Variants in KCND3 observed in about 807,000 individuals in gnomAD.
KCND3 encodes the protein potassium voltage-gated channel subfamily D member 3, also known as A-type voltage-gated potassium channel KCND3.
KCND3 carries 9 observed loss-of-function variants against 51.1 expected under a neutral mutation model. The observed-to-expected ratio is 0.18, with a 90% CI of 0.11 to 0.31. The LOEUF (loss-of-function observed/expected upper bound fraction) is 0.31. KCND3 is among the 10% of genes least tolerant of loss of function. The probability of loss-of-function intolerance (pLI) is 1.00; values close to 1 mark genes in which losing one functional copy is unlikely to be tolerated. For synonymous variants in KCND3, 349 were observed against 368.0 expected, an observed-to-expected ratio of 0.95 and a Z score of 0.59; for missense variants, 526 against 903.8, an observed-to-expected ratio of 0.58 and a Z score of 5.36.
intron 2 of KCND3, among the ~76,000 whole-genome samples, chr1:111,817,880 G>A (rs1666167950): frequency 6.6e-6 from 1 of 152,192 alleles, no homozygotes; most frequent in Non-Finnish European, 1.5e-5. Context: ...ATAGTGAAGA[G>A]CATGCTCATA....
intron 2 of KCND3, among the ~76,000 whole-genome samples, chr1:111,958,709 C>G (rs1242019446): frequency 6.6e-6 from 1 of 152,198 alleles, no homozygotes; most frequent in Non-Finnish European, 1.5e-5. Flanking sequence ...TGGCAGGCCC[C>G]CTCTGTCTGG....
intron 2 of KCND3, among the ~76,000 whole-genome samples, chr1:111,931,209 A>G (rs1671955095): frequency 6.6e-6 from 1 of 152,252 alleles, no homozygotes; most frequent in Non-Finnish European, 1.5e-5. Context: ...GCTATCTACA[A>G]GAGGTAGGTG....
chr1:111,951,271 G>A (rs1032769557), intron 2 of KCND3, among the ~76,000 whole-genome samples: 8 of 150,902 alleles, frequency 5.3e-5, no homozygotes, highest in Admixed American at 6.6e-5. Flanking sequence ...TCTAATCACT[G>A]CTGGTAAGTG....
intron 2 of KCND3, among the ~76,000 whole-genome samples, chr1:111,978,128 C>A (rs1674745938): frequency 6.6e-6 from 1 of 152,192 alleles, no homozygotes; most frequent in Non-Finnish European, 1.5e-5. Flanking sequence ...GAGATATTAA[C>A]TAAACGGTAA....
chr1:111,870,582 G>T (rs1233020788), intron 2 of KCND3, among the ~76,000 whole-genome samples: 2 of 152,156 alleles, frequency 1.3e-5, no homozygotes, highest in African/African-American at 4.8e-5. Flanking sequence ...TATCAGCTAG[G>T]GTGCCTTGTT....
intron 2 of KCND3, among the ~76,000 whole-genome samples, chr1:111,823,378 C>G (rs1346730804): frequency 6.6e-6 from 1 of 152,158 alleles, no homozygotes; most frequent in African/African-American, 2.4e-5. Flanking sequence ...CTCCATGGAA[C>G]CTACTCTGGT....
At chr1:111,900,783 C>T (rs867249338) in intron 2 of KCND3, among the ~76,000 whole-genome samples, 2 of 152,050 alleles carry the variant, frequency 1.3e-5, no homozygotes, top group African/African-American at 4.8e-5. Context: ...ATGGTGAAAC[C>T]CCGTCTCTAC....
At chr1:111,842,166 T>C (rs754577664) in intron 2 of KCND3, among the ~76,000 whole-genome samples, 1 of 152,086 alleles carries the variant, frequency 6.6e-6, no homozygotes, top group Non-Finnish European at 1.5e-5. Context: ...CTGCTCTTGA[T>C]AAACACGGCA....
At chr1:111,878,126 C>T (rs1489295821) in intron 2 of KCND3, among the ~76,000 whole-genome samples, 1 of 152,198 alleles carries the variant, frequency 6.6e-6, no homozygotes, top group Non-Finnish European at 1.5e-5. Flanking sequence ...CATCAGAGCC[C>T]TAGTGCTGTC....
intron 2 of KCND3, among the ~76,000 whole-genome samples, chr1:111,924,030 G>A (rs1310547909): frequency 6.6e-6 from 1 of 152,210 alleles, no homozygotes; most frequent in Non-Finnish European, 1.5e-5. Flanking sequence ...AGGACCACCA[G>A]CACAACCCTA....
chr1:111,778,912 C>T (rs1664252742), intron 5 of KCND3, among the ~76,000 whole-genome samples: 1 of 152,210 alleles, frequency 6.6e-6, no homozygotes, highest in Admixed American at 6.5e-5. Context: ...TGCCAACATT[C>T]CAGCCCTTCA....
At chr1:111,779,753 C>CACTA (rs1664291316) in intron 5 of KCND3, among the ~76,000 whole-genome samples, 1 of 152,178 alleles carries the variant, frequency 6.6e-6, no homozygotes, top group African/African-American at 2.4e-5. Flanking sequence ...GAAATACATG[C>CACTA]ACTACCTCCT....
At position 111,864,729 on chromosome 1, in the gene KCND3, C is replaced by G. The variant is rs593110; in HGVS notation, c.1107-77623G>C. ...CTGACTCAGCAAGGTCAAGCAGCTTCCCAAACTATGCCCTTCAGATGGCCT... is the reference window on the plus strand; with the variant it reads ...CTGACTCAGCAAGGTCAAGCAGCTTGCCAAACTATGCCCTTCAGATGGCCT... On this transcript the variant is annotated intron_variant, in intron 2 of 7. Coordinates refer to ENST00000302127, the MANE Select transcript of KCND3 (RefSeq NM_001378969.1). 7.5e-3 allele frequency among the ~76,000 whole-genome samples: 1,144 copies of G among 152,300 alleles called. 15 individuals carry two copies. Among genetic ancestry groups the G allele is most frequent in the African/African-American group, 0.026 (1,085 of 41,562 alleles).
chr1:111,782,886 C>G (rs1279067337), intron 3 of KCND3, among the ~76,000 whole-genome samples: 1 of 152,124 alleles, frequency 6.6e-6, no homozygotes, highest in Non-Finnish European at 1.5e-5. Context: ...CATAACCATA[C>G]CCAGAATATG....
At chr1:111,965,438 C>CCCCACACACACACA (rs1553184422) in intron 2 of KCND3, among the ~76,000 whole-genome samples, 1 of 72,368 alleles carries the variant, frequency 1.4e-5, no homozygotes, top group Non-Finnish European at 2.6e-5. Context: ...GCCAGCAAAA[C>CCCCACACACACACA]CACACACACA....
intron 3 of KCND3, among the ~76,000 whole-genome samples, chr1:111,786,096 G>A (rs905272622): frequency 5.3e-5 from 8 of 152,182 alleles, no homozygotes; most frequent in Non-Finnish European, 7.3e-5. Flanking sequence ...GAAAAACACC[G>A]CTTTCCCACT....
intron 2 of KCND3, among the ~76,000 whole-genome samples, chr1:111,805,196 G>A (rs12146048): frequency 0.023 from 3,477 of 151,966 alleles, 75 homozygotes; most frequent in East Asian, 0.089. Context: ...CAGACTATTA[G>A]TCTCAATGGA....
At chr1:111,933,085 G>A (rs1409623324) in intron 2 of KCND3, among the ~76,000 whole-genome samples, 2 of 152,248 alleles carry the variant, frequency 1.3e-5, no homozygotes, top group African/African-American at 4.8e-5. Context: ...TGCTGCTCTC[G>A]TGATAGTGAG....
intron 2 of KCND3, among the ~76,000 whole-genome samples, chr1:111,836,026 C>A (rs1009145378): frequency 3.9e-5 from 6 of 152,162 alleles, no homozygotes; most frequent in Non-Finnish European, 1.5e-5. Context: ...GATTACCTTG[C>A]TGTTGCTTTT....
Sources: gnomAD v4.1 joint callset for allele counts (sites outside exome capture counted in the v4.1 genomes callset) on GRCh38, gnomAD v4.1.1 for gene constraint, MANE v1.5 for transcripts, NCBI Gene and HGNC (gene_info 2026-07-23, HGNC 2026-07-21) for gene names.